GRM5: variants seen among roughly 807,000 people sequenced by gnomAD.
The protein encoded by GRM5 is glutamate metabotropic receptor 5, also known as metabotropic glutamate receptor 5.
GRM5 carries 19 observed loss-of-function variants against 83.1 expected under a neutral mutation model. That is an observed-to-expected ratio of 0.23 (90% CI 0.16 to 0.34). The LOEUF is 0.34. Ranked by LOEUF, GRM5 falls within the 10% of genes least tolerant of loss-of-function variation. The pLI is 1.00. For synonymous variants in GRM5, 675 were observed against 633.6 expected, an observed-to-expected ratio of 1.07 and a Z score of -0.98; for missense variants, 1,160 against 1,588.3, an observed-to-expected ratio of 0.73 and a Z score of 4.58.
intron 2 of GRM5, among the ~76,000 whole-genome samples, chr11:88,977,998 T>G (rs1026405167): frequency 2.0e-5 from 3 of 152,216 alleles, no homozygotes; most frequent in African/African-American, 7.2e-5. Flanking sequence ...TATACATCCT[T>G]AAGTATATCA....
At position 88,698,003 on chromosome 11, in the gene GRM5, G is replaced by A. The variant is rs866285117; in HGVS notation, c.912-44600C>T. Among the ~76,000 whole-genome samples the A allele has an allele frequency of 6.6e-5, 10 of 152,244 alleles. No homozygotes were observed. In the Middle Eastern group the frequency reaches 0.01, roughly 155 times the overall value. On this transcript the variant is annotated intron_variant, in intron 3 of 9. Transcript: ENST00000305447. Reference sequence around the variant, plus strand: ...AATCCATCTGCTTTTCTCCAGCTCTGCTAGCACAGTTAATCCATGCTATCA... The same window carrying A: ...AATCCATCTGCTTTTCTCCAGCTCTACTAGCACAGTTAATCCATGCTATCA...
intron 4 of GRM5, among the ~76,000 whole-genome samples, chr11:88,611,044 C>T (rs954424638): frequency 2.3e-4 from 35 of 152,158 alleles, no homozygotes; most frequent in African/African-American, 2.4e-5. Context: ...GTTAAACCAA[C>T]CATGAATCCC....
chr11:88,620,475 T>G (rs1938602139), intron 4 of GRM5, among the ~76,000 whole-genome samples: 1 of 152,186 alleles, frequency 6.6e-6, no homozygotes, highest in Non-Finnish European at 1.5e-5. Flanking sequence ...TGGATCATAC[T>G]TATGATGGTT....
At chr11:89,039,082 G>A (rs1941463614) in intron 2 of GRM5, among the ~76,000 whole-genome samples, 1 of 151,904 alleles carries the variant, frequency 6.6e-6, no homozygotes. Context: ...TGACTAACAT[G>A]GTGAAACCCC....
At chr11:88,813,182 G>A (rs1318368338) in intron 3 of GRM5, among the ~76,000 whole-genome samples, 1 of 152,116 alleles carries the variant, frequency 6.6e-6, no homozygotes. Context: ...TACCAGGTTT[G>A]TATCACAAAT....
intron 3 of GRM5, among the ~76,000 whole-genome samples, chr11:88,711,071 C>G (rs1279362375): frequency 6.6e-6 from 1 of 152,014 alleles, no homozygotes; most frequent in East Asian, 1.9e-4. Context: ...AATGAAATCA[C>G]TAGTGATAGT....
chr11:88,582,882 A>G (rs867663087), intron 7 of GRM5, among the ~76,000 whole-genome samples: 1 of 152,006 alleles, frequency 6.6e-6, no homozygotes, highest in African/African-American at 2.4e-5. Flanking sequence ...GTGGAGAGAG[A>G]CAGGTAGTAT....
At chr11:88,543,548 A>G (rs1356206427) in intron 8 of GRM5, among the ~76,000 whole-genome samples, 1 of 152,006 alleles carries the variant, frequency 6.6e-6, no homozygotes, top group Non-Finnish European at 1.5e-5. Context: ...ATGAGAAAGA[A>G]AAATATTATT....
At chr11:88,772,840 A>G (rs531820849) in intron 3 of GRM5, among the ~76,000 whole-genome samples, 2 of 152,274 alleles carry the variant, frequency 1.3e-5, no homozygotes, top group South Asian at 2.1e-4. Flanking sequence ...TTCTTAATCC[A>G]GTCTATCATT....
chr11:88,630,068 A>G (rs1454750346), intron 4 of GRM5, among the ~76,000 whole-genome samples: 2 of 152,172 alleles, frequency 1.3e-5, no homozygotes, highest in Non-Finnish European at 2.9e-5. Flanking sequence ...TCCTGAAATC[A>G]TCTTCTCCCT....
At chr11:88,582,005 A>C (rs532048039) in intron 7 of GRM5, among the ~76,000 whole-genome samples, 4 of 152,068 alleles carry the variant, frequency 2.6e-5, no homozygotes, top group African/African-American at 9.6e-5. Flanking sequence ...TCCTCTCATC[A>C]ACGTTTACTC....
intron 3 of GRM5, among the ~76,000 whole-genome samples, chr11:88,707,532 A>G (rs1941190584): frequency 6.6e-6 from 1 of 152,084 alleles, no homozygotes; most frequent in Non-Finnish European, 1.5e-5. Flanking sequence ...AGCAGATAAT[A>G]TAATTTTGAG....
At chr11:88,512,384 C>G (rs1941399070) in intron 9 of GRM5, 2 of 153,978 alleles carry the variant, frequency 1.3e-5, no homozygotes, top group South Asian at 4.1e-4. Context: ...AACATGAAAG[C>G]TTTTTTTTCC....
chr11:88,947,387 T>A (rs2135673978), intron 2 of GRM5, among the ~76,000 whole-genome samples: 1 of 152,252 alleles, frequency 6.6e-6, no homozygotes, highest in Non-Finnish European at 1.5e-5. Flanking sequence ...GCCTTCCACA[T>A]AGGGATAAAT....
chr11:88,940,666 T>C (rs1029001476), intron 2 of GRM5, among the ~76,000 whole-genome samples: 7 of 151,836 alleles, frequency 4.6e-5, no homozygotes, highest in African/African-American at 1.7e-4. Context: ...TCATGTTGAC[T>C]ATAAACCTAT....
chr11:88,599,354 T>C (rs1037932248), intron 5 of GRM5, among the ~76,000 whole-genome samples: 2 of 152,158 alleles, frequency 1.3e-5, no homozygotes, highest in African/African-American at 4.8e-5. Context: ...AATCCTCTCT[T>C]TGGAATTAGG....
chr11:88,538,585 G>T (rs1218956131), intron 8 of GRM5, among the ~76,000 whole-genome samples: 1 of 152,138 alleles, frequency 6.6e-6, no homozygotes, highest in Non-Finnish European at 1.5e-5. Flanking sequence ...AGAGAGATAG[G>T]TAGTTTTCCA....
chr11:88,985,704 T>C (rs1333617049), intron 2 of GRM5, among the ~76,000 whole-genome samples: 1 of 152,200 alleles, frequency 6.6e-6, no homozygotes, highest in African/African-American at 2.4e-5. Context: ...GCAATGTCAG[T>C]ATTATTATCA....
chr11:88,590,312 T>G (rs1937615325), intron 7 of GRM5, among the ~76,000 whole-genome samples: 1 of 152,156 alleles, frequency 6.6e-6, no homozygotes, highest in Non-Finnish European at 1.5e-5. Flanking sequence ...GGGACCCTAT[T>G]TAGGAACTTC....
Sources: gnomAD v4.1 joint callset for allele counts (sites outside exome capture counted in the v4.1 genomes callset) on GRCh38, gnomAD v4.1.1 for gene constraint, MANE v1.5 for transcripts, NCBI Gene and HGNC (gene_info 2026-07-23, HGNC 2026-07-21) for gene names.